The following LINGO2 variants were observed in gnomAD, a reference collection of about 807,000 sequenced individuals.
LINGO2 encodes the protein leucine-rich repeat and immunoglobulin-like domain-containing nogo receptor-interacting protein 2.
A neutral mutation model predicts 30.6 loss-of-function variants in LINGO2; 14 were observed. The ratio of observed to expected loss-of-function variants is 0.46; its 90% confidence interval spans 0.30 to 0.72. The LOEUF (loss-of-function observed/expected upper bound fraction) is 0.72. Among genes scored for constraint, LINGO2 ranks in the 30% least tolerant of loss-of-function variants. LINGO2 has a pLI of 0.07. For synonymous variants in LINGO2, 317 were observed against 288.5 expected (o/e 1.10, Z -1.00); for missense variants, 729 against 751.7 (o/e 0.97, Z 0.35).
At chr9:29,088,412 C>T in the LINGO2 span, among the ~76,000 whole-genome samples, 1 of 152,034 alleles carries the variant, frequency 6.6e-6, no homozygotes, top group African/African-American at 2.4e-5. Flanking sequence ...CTGAGTAAAC[C>T]ATAAAGGCAT....
chr9:28,035,061 G>C (rs979236321), intron 4 of LINGO2, among the ~76,000 whole-genome samples: 2 of 152,214 alleles, frequency 1.3e-5, no homozygotes, highest in Non-Finnish European at 2.9e-5. Context: ...TGATGTGCCT[G>C]TTTGGATATT....
chr9:28,939,230 G>T, the LINGO2 span, among the ~76,000 whole-genome samples: 1 of 151,978 alleles, frequency 6.6e-6, no homozygotes, highest in South Asian at 2.1e-4. Context: ...AAGTGACAAC[G>T]AAGAGAACAG....
the LINGO2 span, among the ~76,000 whole-genome samples, chr9:29,146,885 C>T: frequency 1.1e-4 from 17 of 152,230 alleles, no homozygotes; most frequent in Middle Eastern, 3.4e-3. Context: ...AAACACTGTA[C>T]AACTTTTAAA....
the LINGO2 span, among the ~76,000 whole-genome samples, chr9:28,993,323 T>C: frequency 2.6e-5 from 4 of 152,080 alleles, no homozygotes; most frequent in Admixed American, 1.3e-4. Context: ...CAGGAAAAAG[T>C]TGAATCTCTG....
the LINGO2 span, among the ~76,000 whole-genome samples, chr9:28,850,948 A>G: frequency 1.3e-5 from 2 of 152,012 alleles, no homozygotes; most frequent in Non-Finnish European, 2.9e-5. Flanking sequence ...CACTTGTTGT[A>G]CTAAATGGCG....
At chr9:28,383,070 C>T (rs1331881) in intron 2 of LINGO2, among the ~76,000 whole-genome samples, 1 of 152,000 alleles carries the variant, frequency 6.6e-6, no homozygotes, top group African/African-American at 2.4e-5. Context: ...CAATCCAGAG[C>T]TAAGTCCCCT....
the LINGO2 span, among the ~76,000 whole-genome samples, chr9:28,819,375 C>A: frequency 3.9e-5 from 6 of 152,166 alleles, no homozygotes; most frequent in African/African-American, 1.4e-4. Flanking sequence ...AAGTTGGCAG[C>A]TATATCTCTT....
chr9:29,094,901 A>G, the LINGO2 span, among the ~76,000 whole-genome samples: 34,715 of 137,542 alleles, frequency 0.25, 8,941 homozygotes, highest in South Asian at 0.32. Context: ...ATATTCTTTT[A>G]GGTATATCTC....
At chr9:29,146,839 G>A in the LINGO2 span, among the ~76,000 whole-genome samples, 1 of 152,048 alleles carries the variant, frequency 6.6e-6, no homozygotes, top group Admixed American at 6.6e-5. Context: ...TCAAATATTG[G>A]CATTTTTAAA....
At chr9:28,371,660 C>CT (rs774552893) in intron 3 of LINGO2, among the ~76,000 whole-genome samples, 15 of 152,152 alleles carry the variant, frequency 9.9e-5, no homozygotes, top group Non-Finnish European at 1.9e-4. Context: ...GTACCTTTAT[C>CT]CAAGGGTGCT....
chr9:28,525,241 T>C (rs1391155215), intron 1 of LINGO2, among the ~76,000 whole-genome samples: 1 of 152,174 alleles, frequency 6.6e-6, no homozygotes, highest in Non-Finnish European at 1.5e-5. Flanking sequence ...ATTAGAACTA[T>C]CATTGTCAAT....
intron 2 of LINGO2, among the ~76,000 whole-genome samples, chr9:28,413,209 G>A (rs544738341): frequency 6.6e-6 from 1 of 152,022 alleles, no homozygotes; most frequent in African/African-American, 2.4e-5. Context: ...ATTTTCGACT[G>A]TGCAGGGAAT....
rs562757455 is a variant in LINGO2, at chr9:28,055,643, ATTAAGT to A, written c.-86-43244_-86-43239del. Reference sequence around the variant, plus strand: ...GCTTACATAAAAACGGCGTCTTGCTATTAAGTTTGTTAGGTTTGCTAGATTGTCAAA... The same window carrying A: ...GCTTACATAAAAACGGCGTCTTGCTATTGTTAGGTTTGCTAGATTGTCAAA... On this transcript the variant is annotated intron_variant, in intron 4 of 5. Transcript: ENST00000379992. Among the ~76,000 whole-genome samples, 358 of 152,254 alleles carry A rather than the reference ATTAAGT, an allele frequency of 2.4e-3. 3 individuals are homozygous for A. Among genetic ancestry groups the A allele is most frequent in the African/African-American group, 7.0e-3 (293 of 41,564 alleles).
At chr9:28,561,865 C>A (rs938445290) in intron 1 of LINGO2, among the ~76,000 whole-genome samples, 17 of 150,000 alleles carry the variant, frequency 1.1e-4, no homozygotes, top group African/African-American at 4.2e-4. Context: ...TACCTTTACA[C>A]AGTGAGGATG....
the LINGO2 span, among the ~76,000 whole-genome samples, chr9:28,712,966 A>G: frequency 6.6e-6 from 1 of 151,946 alleles, no homozygotes; most frequent in African/African-American, 2.4e-5. Context: ...CCCAGATTCA[A>G]GTGATTCTCC....
intron 1 of LINGO2, among the ~76,000 whole-genome samples, chr9:28,668,706 CTG>C (rs1828898277): frequency 6.6e-6 from 1 of 152,024 alleles, no homozygotes; most frequent in South Asian, 2.1e-4. Context: ...ACTAAAGAAA[CTG>C]TGAAAGAGTA....
At chr9:28,661,035 C>T (rs192312249) in intron 1 of LINGO2, among the ~76,000 whole-genome samples, 21 of 152,116 alleles carry the variant, frequency 1.4e-4, no homozygotes, top group African/African-American at 4.1e-4. Context: ...CTCACCACTG[C>T]CTTTATAGTG....
At chr9:28,269,788 G>A (rs1170357099) in intron 4 of LINGO2, among the ~76,000 whole-genome samples, 2 of 152,056 alleles carry the variant, frequency 1.3e-5, no homozygotes, top group Non-Finnish European at 2.9e-5. Flanking sequence ...ATGAGTCTAT[G>A]CATTCATGTA....
the LINGO2 span, among the ~76,000 whole-genome samples, chr9:28,847,831 A>T: frequency 1.1e-5 from 1 of 95,046 alleles, no homozygotes; most frequent in South Asian, 3.3e-4. Flanking sequence ...ATATATATGT[A>T]TAGTATATAT....
Sources: gnomAD v4.1 joint callset for allele counts (sites outside exome capture counted in the v4.1 genomes callset) on GRCh38, gnomAD v4.1.1 for gene constraint, MANE v1.5 for transcripts, NCBI Gene and HGNC (gene_info 2026-07-23, HGNC 2026-07-21) for gene names.